AGAP1: variants seen among roughly 807,000 people sequenced by gnomAD.
AGAP1 encodes the protein arf-GAP with GTPase, ANK repeat and PH domain-containing protein 1.
Under a neutral mutation model 105.3 loss-of-function variants are expected in AGAP1, and 29 were observed. The observed-to-expected ratio is 0.28, with a 90% CI of 0.21 to 0.38. The LOEUF (loss-of-function observed/expected upper bound fraction) is 0.38. AGAP1 is among the 10% of genes least tolerant of loss of function. The pLI is 1.00. For synonymous variants in AGAP1, 509 were observed against 485.9 expected (o/e 1.05, Z -0.63); for missense variants, 998 against 1,165.1 (o/e 0.86, Z 2.09).
At chr2:236,122,860 T>C (rs1394747967) in intron 17 of AGAP1, among the ~76,000 whole-genome samples, 1 of 152,004 alleles carries the variant, frequency 6.6e-6, no homozygotes, top group East Asian at 1.9e-4. Context: ...AATTTCTGTA[T>C]TTTTAGTAGA....
In AGAP1 at chr2:236,001,335, G is replaced by A. The variant is rs777850049; in HGVS notation, c.1645+32712G>A. 1.1e-4 allele frequency among the ~76,000 whole-genome samples: 16 copies of A among 152,188 alleles called. No homozygotes were observed. The highest frequency in any genetic ancestry group is 4.6e-4 in the Admixed American group (7 of 15,280). On this transcript the variant is annotated intron_variant, in intron 13 of 17. Coordinates refer to ENST00000304032, the MANE Select transcript of AGAP1 (RefSeq NM_001037131.3). This position sits in a 1 kb window ranked among gnomAD's most constrained non-coding sequence, Gnocchi z 4.7. ...TGTGGTTTCACGCCACCCAGCGTGCGGTGCATTGTGGCAGGTGCAGGCCGC... is the reference window on the plus strand; with the variant it reads ...TGTGGTTTCACGCCACCCAGCGTGCAGTGCATTGTGGCAGGTGCAGGCCGC...
At chr2:235,759,401 C>A (rs966885774) in intron 6 of AGAP1, among the ~76,000 whole-genome samples, 1 of 151,796 alleles carries the variant, frequency 6.6e-6, no homozygotes, top group Non-Finnish European at 1.5e-5. Flanking sequence ...GATCTCCTGA[C>A]CTCGTGATCC....
At chr2:235,499,617 T>A (rs944980708) in intron 1 of AGAP1, among the ~76,000 whole-genome samples, 1 of 152,200 alleles carries the variant, frequency 6.6e-6, no homozygotes, top group Non-Finnish European at 1.5e-5. Context: ...AGCTTACTCA[T>A]GCTTCTCAGT....
At position 235,550,576 on chromosome 2, in the gene AGAP1, C is replaced by T. The variant is rs988704253; in HGVS notation, c.163+55727C>T. ...CTCAGAGTTGATGAGGGTCTGCAGG[C>T]GTCGGTCTGGGAGCCACAGACAGGT... On this transcript the variant is annotated intron_variant, in intron 1 of 17. Coordinates refer to ENST00000304032, the MANE Select transcript of AGAP1 (RefSeq NM_001037131.3). The surrounding 1 kb of genome is among the most constrained non-coding windows in gnomAD (Gnocchi z 4.6). 6.6e-6 allele frequency among the ~76,000 whole-genome samples: 1 copy of T among 152,132 alleles called. No homozygotes were observed. The highest frequency in any genetic ancestry group is 1.5e-5 in the Non-Finnish European group (1 of 68,032).
chr2:235,759,092 T>C (rs79464809), intron 6 of AGAP1, among the ~76,000 whole-genome samples: 9,752 of 145,338 alleles, frequency 0.067, 1,050 homozygotes, highest in African/African-American at 0.23. Flanking sequence ...TGGCACCCGG[T>C]CATATAAGGG....
rs955578943 is a variant in AGAP1 at position 235,962,125 on chromosome 2, G to A, written c.1484-6337G>A. Among the ~76,000 whole-genome samples the A allele has an allele frequency of 5.3e-5, 8 of 152,290 alleles. No individual in the cohort carries two copies. Among genetic ancestry groups the A allele is most frequent in the African/African-American group, 1.7e-4 (7 of 41,568 alleles). Reference sequence around the variant, plus strand: ...GTGAGGTCATCGTGAGGATGGTGTGGGGCGTGGGGTGTTTGAAGCGGGAGG... The same window carrying A: ...GTGAGGTCATCGTGAGGATGGTGTGAGGCGTGGGGTGTTTGAAGCGGGAGG... On this transcript the variant is annotated intron_variant, in intron 12 of 17. Transcript: ENST00000304032. The surrounding 1 kb of genome is among the most constrained non-coding windows in gnomAD (Gnocchi z 5.3).
intron 9 of AGAP1, among the ~76,000 whole-genome samples, chr2:235,878,821 G>A (rs867947072): frequency 1.3e-5 from 2 of 152,194 alleles, no homozygotes; most frequent in African/African-American, 4.8e-5. Context: ...GGGTGCAGCG[G>A]GAAGATAAAA....
In AGAP1 at chr2:236,073,930, C is replaced by G. The variant is rs2058570171; in HGVS notation, c.2114+24649C>G. ...CCCCAAGCATTTCCGCTGCACATCC[C>G]AGCTCAAGAACCACCCTCTGGGTGC... On this transcript the variant is annotated intron_variant, in intron 16 of 17. Coordinates refer to ENST00000304032, the MANE Select transcript of AGAP1 (RefSeq NM_001037131.3). This position sits in a 1 kb window ranked among gnomAD's most constrained non-coding sequence, Gnocchi z 5.4. Among the ~76,000 whole-genome samples, 1 of 123,432 alleles carries G rather than the reference C, an allele frequency of 8.1e-6. No individual in the cohort carries two copies. The highest frequency in any genetic ancestry group is 2.0e-5 in the Non-Finnish European group (1 of 49,080). 81.0% of individuals were successfully genotyped at this position (123,432 alleles called of 152,430 possible).
At position 236,120,368 on chromosome 2, in the gene AGAP1, G is replaced by A; in HGVS notation, c.2291G>A (p.Cys764Tyr). ...TCCCGGGACGAGGTGAACGAGACCT[G>A]CGGGGAGGGAGACGGCCGCACGGCG... ...HGSRDEVNET[C>Y]GEGDGRTALH... The change falls in exon 17 of 18, where the codon TGC becomes TAC. Residue 764 changes from cysteine (C) to tyrosine (Y), a missense_variant. Around this residue, in one of 3 missense-constraint regions of AGAP1, gnomAD observed 235 missense variants for 270.7 expected, o/e 0.87. Transcript: ENST00000304032. This position sits in a 1 kb window ranked among gnomAD's most constrained non-coding sequence, Gnocchi z 6.0. The A allele has an allele frequency of 1.2e-6, 2 of 1,611,740 alleles. No homozygotes were observed. The highest frequency in any genetic ancestry group is 2.2e-5 in the South Asian group (2 of 91,000).
Position 235,759,380 on chromosome 2 carries a change from A to G in AGAP1, c.673+8892A>G, listed in dbSNP as rs560389484. On this transcript the variant is annotated intron_variant, in intron 6 of 17. Coordinates refer to ENST00000304032, the MANE Select transcript of AGAP1 (RefSeq NM_001037131.3). ...GAGACGGGCTTTCACCGTGTTAGCC[A>G]GGATGGTCTTGATCTCCTGACCTCG... 9.0e-4 allele frequency among the ~76,000 whole-genome samples: 136 copies of G among 150,680 alleles called. 1 individual carries two copies. Among genetic ancestry groups the G allele is most frequent in the African/African-American group, 2.5e-3 (101 of 41,062 alleles).
intron 3 of AGAP1, among the ~76,000 whole-genome samples, chr2:235,731,256 T>G (rs1277519222): frequency 6.6e-6 from 1 of 152,236 alleles, no homozygotes. Context: ...GATTGTATCA[T>G]TGGCTGAGTA....
chr2:235,765,390 G>A (rs1443872998), intron 6 of AGAP1, among the ~76,000 whole-genome samples: 2 of 152,014 alleles, frequency 1.3e-5, no homozygotes, highest in African/African-American at 2.4e-5. Flanking sequence ...GTAGTCTCAC[G>A]CTGCCCCCAC....
intron 15 of AGAP1, among the ~76,000 whole-genome samples, chr2:236,047,364 C>T (rs551217012): frequency 2.0e-5 from 3 of 152,102 alleles, no homozygotes; most frequent in South Asian, 2.1e-4. Flanking sequence ...GAGGGGTCCA[C>T]GCCAGCTGTG....
intron 9 of AGAP1, among the ~76,000 whole-genome samples, chr2:235,881,151 ATACTTTATTAAG>A (rs1372892683): frequency 6.6e-6 from 1 of 152,242 alleles, no homozygotes; most frequent in African/African-American, 2.4e-5. Context: ...AAGCTGGCTC[ATACTTTATTAAG>A]TTTGTGAAAC....
At chr2:235,683,405 C>T (rs1949196192) in intron 1 of AGAP1, among the ~76,000 whole-genome samples, 1 of 151,712 alleles carries the variant, frequency 6.6e-6, no homozygotes, top group African/African-American at 2.4e-5. Flanking sequence ...TACTTGCCTC[C>T]CTCATATACA....
Position 235,600,018 on chromosome 2 carries a change from G to T in AGAP1, c.163+105169G>T, listed in dbSNP as rs2149232671. On this transcript the variant is annotated intron_variant, in intron 1 of 17. Transcript: ENST00000304032. The surrounding 1 kb of genome is among the most constrained non-coding windows in gnomAD (Gnocchi z 4.8). Reference sequence around the variant, plus strand: ...TAAAGATGAGTAGGTGCAAACTGCAGCCACAGTAAACTTCAGGGTGTCAAC... The same window carrying T: ...TAAAGATGAGTAGGTGCAAACTGCATCCACAGTAAACTTCAGGGTGTCAAC... Among the ~76,000 whole-genome samples, 1 of 152,328 alleles carries T rather than the reference G, an allele frequency of 6.6e-6. No homozygotes were observed. Among genetic ancestry groups the T allele is most frequent in the South Asian group, 2.1e-4 (1 of 4,826 alleles).
chr2:236,010,114 G>T (rs1355249321), intron 13 of AGAP1, among the ~76,000 whole-genome samples: 2 of 114,270 alleles, frequency 1.8e-5, no homozygotes, highest in Non-Finnish European at 3.2e-5. Flanking sequence ...ACATGTGTTA[G>T]TAAAAAAAAA....
chr2:235,614,259 C>A lies in AGAP1; in HGVS notation c.164-94920C>A, dbSNP rs770947665. On this transcript the variant is annotated intron_variant, in intron 1 of 17. Coordinates refer to ENST00000304032, the MANE Select transcript of AGAP1 (RefSeq NM_001037131.3). The surrounding 1 kb of genome is among the most constrained non-coding windows in gnomAD (Gnocchi z 4.7). Reference sequence around the variant, plus strand: ...ATCATACAGTTAGCAGTGTGGCCAGCGTCACTTAAAGCGGGGAGGTGGCTG... The same window carrying A: ...ATCATACAGTTAGCAGTGTGGCCAGAGTCACTTAAAGCGGGGAGGTGGCTG... 1.3e-5 allele frequency among the ~76,000 whole-genome samples: 2 copies of A among 152,068 alleles called. No individual in the cohort carries two copies. Among genetic ancestry groups the A allele is most frequent in the African/African-American group, 4.8e-5 (2 of 41,406 alleles).
chr2:236,060,971 G>A (rs1053081765), intron 16 of AGAP1, among the ~76,000 whole-genome samples: 1 of 152,116 alleles, frequency 6.6e-6, no homozygotes, highest in African/African-American at 2.4e-5. Flanking sequence ...GCTGAGGTGG[G>A]AGGACCTCTT....
Sources: allele counts gnomAD v4.1 joint callset (sites outside exome capture counted in the v4.1 genomes callset), GRCh38; gene constraint gnomAD v4.1.1; regional missense constraint gnomAD v4.1.1; non-coding constraint Gnocchi (gnomAD v3.1); transcripts MANE v1.5; gene names NCBI Gene and HGNC (gene_info 2026-07-23, HGNC 2026-07-21).